Variants in HAUS8 observed in about 807,000 individuals in gnomAD.
HAUS8 encodes HAUS augmin-like complex subunit 8.
In HAUS8, 38 loss-of-function variants were observed where a neutral mutation model predicts 42.9. The ratio of observed to expected loss-of-function variants is 0.89; its 90% CI spans 0.68 to 1.16. The LOEUF (loss-of-function observed/expected upper bound fraction) is 1.16, where lower values mean the gene tolerates loss of function less well. Ranked by LOEUF, HAUS8 falls within the 50% of genes most tolerant of loss-of-function variation. The pLI, the probability that HAUS8 is intolerant of heterozygous loss-of-function variation, is 0.00. For synonymous variants in HAUS8, 199 were observed against 205.8 expected, an observed-to-expected ratio of 0.97 and a Z score of 0.28; for missense variants, 494 against 511.6, an observed-to-expected ratio of 0.97 and a Z score of 0.33.
At position 17,065,408 on chromosome 19, in the gene HAUS8, C is replaced by T. The variant is rs143764015; in HGVS notation, c.148-2629G>A. 1.6e-3 allele frequency among the ~76,000 whole-genome samples: 238 copies of T among 152,318 alleles called. 1 individual carries two copies. Among genetic ancestry groups the T allele is most frequent in the Non-Finnish European group, 2.5e-3 (171 of 68,024 alleles). ...CTGCCTCATACCCCAGAGGAAAAAA[C>T]GCAACAGAGGCCAAGAAGAATCTGA... On this transcript the variant is annotated intron_variant, in intron 3 of 10. Coordinates refer to ENST00000253669, the MANE Select transcript of HAUS8 (RefSeq NM_033417.2).
chr19:17,074,056 A>G (rs2123390002), intron 1 of HAUS8: 1 of 152,370 alleles, frequency 6.6e-6, no homozygotes, highest in South Asian at 2.1e-4. Context: ...AGCCTGATGT[A>G]ATAGGAAAGA....
intron 2 of HAUS8, among the ~76,000 whole-genome samples, chr19:17,072,726 G>C (rs2057435263): frequency 6.6e-6 from 1 of 151,884 alleles, no homozygotes. Flanking sequence ...TTGGCTCGTG[G>C]GGGAGGCCGT....
intron 8 of HAUS8, 61 bp downstream of exon 8, chr19:17,058,488 T>G: frequency 6.8e-7 from 1 of 1,476,782 alleles, no homozygotes; most frequent in Non-Finnish European, 9.1e-7. Context: ...ACCGAAACAG[T>G]GGAGATGGGA....
chr19:17,070,844 C>T lies in HAUS8; in HGVS notation c.92-1758G>A, dbSNP rs191340456. ...CAGCACTTTGGGAGGCCAAGGCAGGCGGATCACCTGAGGTCAGGAGTTCGC... is the reference window on the plus strand; with the variant it reads ...CAGCACTTTGGGAGGCCAAGGCAGGTGGATCACCTGAGGTCAGGAGTTCGC... On this transcript the variant is annotated intron_variant, in intron 2 of 10. Coordinates refer to ENST00000253669, the MANE Select transcript of HAUS8 (RefSeq NM_033417.2). 2.7e-3 allele frequency among the ~76,000 whole-genome samples: 406 copies of T among 152,246 alleles called. 1 individual carries two copies. Among genetic ancestry groups the T allele is most frequent in the African/African-American group, 9.2e-3 (384 of 41,544 alleles).
In HAUS8 at chr19:17,058,816, C is replaced by G; in HGVS notation, c.481G>C (p.Val161Leu). 1 of 1,613,126 alleles carries G rather than the reference C, an allele frequency of 6.2e-7. No homozygotes were observed. The highest frequency in any genetic ancestry group is 8.5e-7 in the Non-Finnish European group (1 of 1,179,616). Residue 161 changes from valine to leucine, a missense_variant, in exon 7 of 11, where the codon GTA becomes CTA. Transcript: ENST00000253669. ...GAACAAGAAACTGTTTTCACCTTTA[C>G]GGATAGTAGCGTCAGCAGTAGTGTC... ...SQTLLLTLLSVKMENNLAEFE... is the reference protein window; with the variant it reads ...SQTLLLTLLSLKMENNLAEFE...
rs201400616 is a variant in HAUS8 at position 17,073,199 on chromosome 19, GT to G, written c.91+74del. The G allele has an allele frequency of 8.0e-4, 1,090 of 1,365,584 alleles. 4 individuals carry two copies. The African/African-American group carries it at 0.013, about 17-fold the overall frequency. The allele number at this position is 1,365,584 out of a possible 1,614,324, so 84.6% of individuals were successfully genotyped here. A position where few individuals can be genotyped will look rare whatever the true frequency, so the allele number is the denominator to read the frequency against. The stretch of plus-strand genomic sequence containing the variant: ...AGCCACAGGCCCCCTTCTCTGGCCT[GT>G]TTTTTTCTTCCTCCAAAAGCACGTA... On this transcript the variant is annotated intron_variant, in intron 2 of 10. Transcript: ENST00000253669.
chr19:17,062,351 CG>C (rs779366330), intron 4 of HAUS8, among the ~76,000 whole-genome samples: 7 of 152,178 alleles, frequency 4.6e-5, no homozygotes, highest in Non-Finnish European at 8.8e-5. Flanking sequence ...AGGTTGGTCT[CG>C]AACTCCCGAC....
chr19:17,073,282 CTT>C lies in HAUS8; in HGVS notation c.81_82del (p.Arg28SerfsTer8). On this transcript the variant is annotated frameshift_variant, in exon 2 of 11. Transcript: ENST00000253669. LOFTEE classifies it high-confidence loss of function. ...ATCCTGACACTGCTTACCTTGAACT[CTT>C]TTATCCTTCTTCTTGGCACTGCTAG... The C allele has an allele frequency of 6.2e-7, 1 of 1,613,850 alleles. No individual in the cohort carries two copies. Among genetic ancestry groups the C allele is most frequent in the African/African-American group, 1.3e-5 (1 of 75,048 alleles).
intron 2 of HAUS8, among the ~76,000 whole-genome samples, chr19:17,071,973 G>A (rs904820908): frequency 3.3e-5 from 5 of 152,066 alleles, no homozygotes; most frequent in South Asian, 2.1e-4. Flanking sequence ...GTGACAGAGC[G>A]AGACTCCATC....
At chr19:17,057,835 A>AG in intron 8 of HAUS8, among the ~76,000 whole-genome samples, 1 of 152,110 alleles carries the variant, frequency 6.6e-6, no homozygotes, top group Non-Finnish European at 1.5e-5. Context: ...GGGGGGTTGT[A>AG]GGGGGGATGC....
At chr19:17,060,235 A>G (rs1369944288) in intron 4 of HAUS8, 143 bp from the exon 5 acceptor site, 5 of 543,146 alleles carry the variant, frequency 9.2e-6, no homozygotes, top group Non-Finnish European at 1.6e-5. Context: ...TAAAAAAAAA[A>G]AAAAAAAAAA....
intron 2 of HAUS8, among the ~76,000 whole-genome samples, chr19:17,072,041 T>TTGTATCCAA (rs2057428227): frequency 6.6e-6 from 1 of 152,204 alleles, no homozygotes; most frequent in South Asian, 2.1e-4. Context: ...AGCAATATTA[T>TTGTATCCAA]GAAGAAGGAT....
Position 17,052,903 on chromosome 19 carries a change from G to T in HAUS8, c.851C>A (p.Ser284Ter), listed in dbSNP as rs571234172. The change falls in exon 10 of 11, where the codon TCG becomes TAG. Residue 284 changes from serine (S) to a stop codon, truncating the protein, a stop_gained. Transcript: ENST00000253669. LOFTEE classifies it high-confidence loss of function. The part of the protein sequence containing the change: ...RLLGELDVGD[S>*]EENVQVLDLL... Reference sequence around the variant, plus strand: ...GTCCAGCACCTGCACATTTTCTTCCGAATCACCAACATCAAGTTCTCCCAG... The same window carrying T: ...GTCCAGCACCTGCACATTTTCTTCCTAATCACCAACATCAAGTTCTCCCAG... The T allele has an allele frequency of 2.5e-6, 4 of 1,614,020 alleles. No individual in the cohort carries two copies. Among genetic ancestry groups the T allele is most frequent in the African/African-American group, 1.3e-5 (1 of 74,914 alleles).
chr19:17,059,722 C>G (rs2057348696), intron 5 of HAUS8, 71 bp from the exon 6 acceptor site: 1 of 1,003,008 alleles, frequency 1.0e-6, no homozygotes, highest in Non-Finnish European at 1.5e-6. Flanking sequence ...CATTTTTTTT[C>G]TAATGATGGG....
Position 17,052,913 on chromosome 19 carries a change from C to T in HAUS8, c.841G>A (p.Val281Ile), listed in dbSNP as rs751576043. 10 of 1,614,236 alleles carry T rather than the reference C, an allele frequency of 6.2e-6. No homozygotes were observed. Among genetic ancestry groups the T allele is most frequent in the Non-Finnish European group, 7.6e-6 (9 of 1,180,044 alleles). Residue 281 changes from valine to isoleucine, a missense_variant, in exon 10 of 11, where the codon GTT (valine) becomes ATT (isoleucine). Transcript: ENST00000253669. ...TGCACATTTTCTTCCGAATCACCAACATCAAGTTCTCCCAGGAGGCGCTGA... is the reference window on the plus strand; with the variant it reads ...TGCACATTTTCTTCCGAATCACCAATATCAAGTTCTCCCAGGAGGCGCTGA... Reference protein sequence around the residue: ...TTQRLLGELDVGDSEENVQVL... With the variant: ...TTQRLLGELDIGDSEENVQVL...
chr19:17,059,663 C>A lies in HAUS8; in HGVS notation c.326-12G>T, dbSNP rs772151457. ...GACGATGCTTTTGTCTAAGATAAAG[C>A]ACAGCATTTTTAATGGCAAGTAGCG... On this transcript the variant is annotated splice_polypyrimidine_tract_variant and intron_variant, in intron 5 of 10. Transcript: ENST00000253669. 1 of 1,599,454 alleles carries A rather than the reference C, an allele frequency of 6.3e-7. No homozygotes were observed. Among genetic ancestry groups the A allele is most frequent in the Non-Finnish European group, 8.6e-7 (1 of 1,168,104 alleles).
At position 17,049,947 on chromosome 19, in the gene HAUS8, T is replaced by TTGGGCTGATGAACG; in HGVS notation, c.1145_1158dup (p.Ser387ArgfsTer48). ...TGGCTGCTTGAAGAAAAATCTTCGC[T>TTGGGCTGATGAACG]TGGGCTGATGAACGTGGCCTGAGCG... On this transcript the variant is annotated frameshift_variant, in exon 11 of 11. Transcript: ENST00000253669. LOFTEE classifies it low-confidence loss of function (END_TRUNC). The TTGGGCTGATGAACG allele has an allele frequency of 6.4e-7, 1 of 1,559,476 alleles. No individual in the cohort carries two copies.
At chr19:17,067,707 C>A (rs1204312034) in intron 3 of HAUS8, among the ~76,000 whole-genome samples, 1 of 152,140 alleles carries the variant, frequency 6.6e-6, no homozygotes, top group Non-Finnish European at 1.5e-5. Flanking sequence ...AGAAGAGTAT[C>A]TGTTTGTGCA....
rs372714549 is a variant in HAUS8 at position 17,069,002 on chromosome 19, C to G, written c.147+29G>C. On this transcript the variant is annotated intron_variant, in intron 3 of 10. Transcript: ENST00000253669. ...TTGCTCAGAACCTTGCTCAGAACTG[C>G]TGCAAATGGAAGCTGGGTGCGGCCT... The G allele has an allele frequency of 2.8e-5, 45 of 1,604,490 alleles. No individual in the cohort carries two copies. The African/African-American group carries it at 5.6e-4, about 20-fold the overall frequency.
Sources: gnomAD v4.1 joint callset for allele counts (sites outside exome capture counted in the v4.1 genomes callset) on GRCh38, gnomAD v4.1.1 for gene constraint, MANE v1.5 for transcripts, NCBI Gene and HGNC (gene_info 2026-07-23, HGNC 2026-07-21) for gene names.